The following ASTN2 variants were observed in gnomAD, a reference collection of about 807,000 sequenced individuals.
ASTN2 encodes the protein astrotactin 2.
In ASTN2, 54 loss-of-function variants were observed where a neutral mutation model predicts 139.8. The ratio of observed to expected loss-of-function variants is 0.39; its 90% CI spans 0.31 to 0.48. The LOEUF (loss-of-function observed/expected upper bound fraction) is 0.48. Among genes scored for constraint, ASTN2 ranks in the 20% least tolerant of loss-of-function variants. The probability of loss-of-function intolerance (pLI) is 0.95; values close to 1 mark genes in which losing one functional copy is unlikely to be tolerated. For synonymous variants in ASTN2, 756 were observed against 719.5 expected (o/e 1.05, Z -0.81); for missense variants, 1,565 against 1,725.1 (o/e 0.91, Z 1.64).
chr9:117,246,241 A>G (rs950461738), intron 2 of ASTN2, among the ~76,000 whole-genome samples: 1 of 152,224 alleles, frequency 6.6e-6, no homozygotes, highest in African/African-American at 2.4e-5. Flanking sequence ...AAGCAATTCA[A>G]TTCTTGCAAG....
chr9:117,374,681 T>C (rs887694594), intron 1 of ASTN2, among the ~76,000 whole-genome samples: 5 of 152,056 alleles, frequency 3.3e-5, no homozygotes, highest in East Asian at 1.9e-4. Flanking sequence ...TCCTGGCAAA[T>C]TGACAATGCA....
At chr9:116,482,320 C>T (rs1003644934) in intron 20 of ASTN2, among the ~76,000 whole-genome samples, 8 of 151,996 alleles carry the variant, frequency 5.3e-5, no homozygotes, top group East Asian at 1.9e-4. Context: ...AGCAAGACTC[C>T]GTCTCAAAAC....
intron 1 of ASTN2, among the ~76,000 whole-genome samples, chr9:117,358,149 A>G (rs1361970758): frequency 1.3e-5 from 2 of 152,120 alleles, no homozygotes; most frequent in East Asian, 3.9e-4. Flanking sequence ...TTTCCTCAAA[A>G]TCCAGGATAT....
At chr9:116,778,762 A>G (rs1194762602) in intron 13 of ASTN2, among the ~76,000 whole-genome samples, 1 of 152,190 alleles carries the variant, frequency 6.6e-6, no homozygotes, top group African/African-American at 2.4e-5. Context: ...AAAATAAAGT[A>G]TACCCCTCTG....
chr9:116,820,749 G>A lies in ASTN2; in HGVS notation c.2075C>T (p.Ser692Phe), dbSNP rs749350034. ...GCCTTTGGAGTGGTCGTAGCAGCCA[G>A]AGCCATCCTTCATGGGTTTCAGCTC... ...PEELKPMKDG[S>F]GCYDHSKGID... The change falls in exon 12 of 23, where the codon TCT becomes TTT. Residue 692 changes from serine to phenylalanine, a missense_variant. Physicochemically the swap from Ser to Phe is radical, Grantham distance 155. Around this residue, in one of 4 missense-constraint regions of ASTN2, gnomAD observed 503 missense variants for 591.7 expected, o/e 0.85. Transcript: ENST00000313400. The A allele has an allele frequency of 6.2e-7, 1 of 1,614,128 alleles. No homozygotes were observed. Among genetic ancestry groups the A allele is most frequent in the South Asian group, 1.1e-5 (1 of 91,064 alleles).
chr9:116,710,349 A>C (rs1303900052), intron 16 of ASTN2, among the ~76,000 whole-genome samples: 1 of 152,144 alleles, frequency 6.6e-6, no homozygotes, highest in East Asian at 1.9e-4. Flanking sequence ...ATCTGAAGCA[A>C]ATGTTGGGTG....
chr9:117,082,551 T>C (rs76315965), intron 5 of ASTN2, among the ~76,000 whole-genome samples: 2 of 152,224 alleles, frequency 1.3e-5, no homozygotes, highest in East Asian at 3.9e-4. Flanking sequence ...CCTTCAACAG[T>C]AAATGCCTTC....
chr9:116,665,912 C>T (rs566845694), intron 16 of ASTN2, among the ~76,000 whole-genome samples: 1 of 152,260 alleles, frequency 6.6e-6, no homozygotes, highest in South Asian at 2.1e-4. Context: ...CTACTGGAGA[C>T]TGCTAGGAGA....
At chr9:117,260,257 T>C (rs952673398) in intron 2 of ASTN2, among the ~76,000 whole-genome samples, 1 of 152,154 alleles carries the variant, frequency 6.6e-6, no homozygotes, top group Non-Finnish European at 1.5e-5. Context: ...TACTGGACTT[T>C]GAGTTCCTTT....
intron 5 of ASTN2, among the ~76,000 whole-genome samples, chr9:117,045,975 T>TACGTACGTAC (rs1564399754): frequency 4.2e-4 from 43 of 102,124 alleles, no homozygotes; most frequent in South Asian, 2.2e-3. Context: ...TATGTATGTA[T>TACGTACGTAC]GTATGTACGT....
At chr9:116,487,632 T>C (rs1849382404) in intron 19 of ASTN2, 132 bp from the exon 20 acceptor site, 2 of 919,556 alleles carry the variant, frequency 2.2e-6, no homozygotes, top group East Asian at 5.4e-5. Context: ...AAGCAAAAGA[T>C]ATGAAAATGA....
At chr9:117,111,850 T>C (rs1462947045) in intron 4 of ASTN2, among the ~76,000 whole-genome samples, 1 of 149,538 alleles carries the variant, frequency 6.7e-6, no homozygotes, top group African/African-American at 2.4e-5. Flanking sequence ...AAGGAAGGAA[T>C]GAAACTGTAT....
At chr9:117,042,917 C>A (rs999985847) in intron 5 of ASTN2, among the ~76,000 whole-genome samples, 1 of 152,128 alleles carries the variant, frequency 6.6e-6, no homozygotes, top group African/African-American at 2.4e-5. Context: ...GTTGCCCAGG[C>A]TGGAGTGTGG....
At chr9:116,572,812 C>A (rs1291621365) in intron 19 of ASTN2, among the ~76,000 whole-genome samples, 1 of 152,082 alleles carries the variant, frequency 6.6e-6, no homozygotes, top group South Asian at 2.1e-4. Flanking sequence ...GGTTCCAGTT[C>A]CAGAAAGAGG....
chr9:117,135,604 T>C (rs1829932235), intron 4 of ASTN2, among the ~76,000 whole-genome samples: 1 of 152,104 alleles, frequency 6.6e-6, no homozygotes, highest in African/African-American at 2.4e-5. Context: ...CATGGGACTG[T>C]GAGAGCTGAA....
chr9:117,023,563 C>G (rs9886772), intron 6 of ASTN2, among the ~76,000 whole-genome samples: 1 of 152,112 alleles, frequency 6.6e-6, no homozygotes. Flanking sequence ...CTTTATTTTG[C>G]TAATTTGCTT....
chr9:116,823,573 C>T (rs1326807), intron 11 of ASTN2, among the ~76,000 whole-genome samples: 120,526 of 151,944 alleles, frequency 0.79, 47,999 homozygotes, highest in East Asian at 0.92. Context: ...AGCACATGAG[C>T]GAAGAACGTG....
At chr9:117,170,602 G>A (rs761853728) in intron 3 of ASTN2, among the ~76,000 whole-genome samples, 2 of 152,116 alleles carry the variant, frequency 1.3e-5, no homozygotes, top group Non-Finnish European at 2.9e-5. Flanking sequence ...TGGAGTGAGT[G>A]CTATTTAAAA....
chr9:116,520,547 C>T (rs1850825059), intron 19 of ASTN2, among the ~76,000 whole-genome samples: 1 of 152,072 alleles, frequency 6.6e-6, no homozygotes. Flanking sequence ...CAACATTATA[C>T]TGAATGGGAA....
Sources: gnomAD v4.1 joint callset for allele counts (sites outside exome capture counted in the v4.1 genomes callset) on GRCh38, gnomAD v4.1.1 for gene constraint, gnomAD v4.1.1 regional missense constraint, MANE v1.5 for transcripts, NCBI Gene and HGNC (gene_info 2026-07-23, HGNC 2026-07-21) for gene names.